HYDIN: variants seen among roughly 807,000 people sequenced by gnomAD.
HYDIN encodes the protein axonemal central pair apparatus protein HYDIN.
In HYDIN, 132 loss-of-function variants were observed where a neutral mutation model predicts 403.9. The observed-to-expected ratio is 0.33, with a 90% confidence interval of 0.28 to 0.38. The LOEUF is 0.38. Among genes scored for constraint, HYDIN ranks in the 10% least tolerant of loss-of-function variants. The probability of loss-of-function intolerance (pLI) is 1.00; values close to 1 mark genes in which losing one functional copy is unlikely to be tolerated. For synonymous variants in HYDIN, 1,202 were observed against 1,891.7 expected (o/e 0.64, Z 9.46); for missense variants, 2,827 against 5,009.5 (o/e 0.56, Z 13.15).
At chr16:70,853,167 C>A (rs545231605) in intron 73 of HYDIN, among the ~76,000 whole-genome samples, 1 of 152,008 alleles carries the variant, frequency 6.6e-6, no homozygotes, top group African/African-American at 2.4e-5. Context: ...GGCAACAGAG[C>A]GAGACTCTGT....
chr16:71,175,336 C>A (rs181471958), intron 5 of HYDIN, among the ~76,000 whole-genome samples: 1 of 152,124 alleles, frequency 6.6e-6, no homozygotes, highest in Admixed American at 6.5e-5. Context: ...AATAACACTA[C>A]CACTACCATC....
rs976242608 is a variant in HYDIN at position 70,806,941 on chromosome 16, G to T, written c.*639C>A. On this transcript the variant is annotated 3_prime_UTR_variant, in exon 86 of 86. Transcript: ENST00000393567. The stretch of plus-strand genomic sequence containing the variant: ...CAAGGCGGGGTGTGTATGTGTGGTG[G>T]GGGGAGCTGGGATCTCTATTAGCCT... Among the ~76,000 whole-genome samples the T allele has an allele frequency of 1.3e-5, 2 of 152,046 alleles. No homozygotes were observed. Among genetic ancestry groups the T allele is most frequent in the South Asian group, 4.1e-4 (2 of 4,828 alleles).
chr16:70,834,434 ACTTC>A (rs2037229197), intron 78 of HYDIN, among the ~76,000 whole-genome samples: 1 of 152,094 alleles, frequency 6.6e-6, no homozygotes, highest in South Asian at 2.1e-4. Flanking sequence ...TATTTTGTGT[ACTTC>A]CTTCTTTCTT....
intron 81 of HYDIN, among the ~76,000 whole-genome samples, chr16:70,828,656 A>C (rs1170507372): frequency 2.0e-5 from 3 of 152,108 alleles, no homozygotes; most frequent in Admixed American, 6.5e-5. Context: ...ATCCCTCCAA[A>C]GAAAAAAGTT....
chr16:70,936,675 AG>A (rs2077502219), intron 44 of HYDIN, among the ~76,000 whole-genome samples: 1 of 151,504 alleles, frequency 6.6e-6, no homozygotes, highest in South Asian at 2.1e-4. Flanking sequence ...CTAGGATTAC[AG>A]GTGTGCACCA....
intron 1 of HYDIN, among the ~76,000 whole-genome samples, chr16:71,192,267 C>T (rs1324489901): frequency 1.3e-5 from 2 of 152,090 alleles, no homozygotes; most frequent in Non-Finnish European, 2.9e-5. Flanking sequence ...GCCCCTCCTT[C>T]GTTAATGTCA....
intron 22 of HYDIN, 104 bp downstream of exon 22, chr16:71,020,070 T>A (rs2080424480): frequency 1.1e-6 from 1 of 945,502 alleles, no homozygotes; most frequent in Non-Finnish European, 1.5e-6. Flanking sequence ...ATCCTTTACA[T>A]CTTTCTGAGC....
intron 23 of HYDIN, among the ~76,000 whole-genome samples, chr16:71,011,911 C>T (rs562167288): frequency 2.6e-5 from 4 of 152,112 alleles, no homozygotes; most frequent in South Asian, 2.1e-4. Flanking sequence ...TGTTCCTTTG[C>T]TGCAGGACTT....
At position 70,806,404 on chromosome 16, in the gene HYDIN, CAGA is replaced by C. The variant is rs1376076795; in HGVS notation, c.*1173_*1175del. ...ACTGGGCTAGGGTTGTGGGGAGGTA[CAGA>C]AGAAGGAGAAGAGTCTCCCTCCATG... On this transcript the variant is annotated 3_prime_UTR_variant, in exon 86 of 86. Transcript: ENST00000393567. 6.6e-6 allele frequency among the ~76,000 whole-genome samples: 1 copy of C among 152,022 alleles called. No individual in the cohort carries two copies. The highest frequency in any genetic ancestry group is 6.6e-5 in the Admixed American group (1 of 15,254).
chr16:70,897,790 C>T (rs998987669), intron 53 of HYDIN, among the ~76,000 whole-genome samples: 5 of 152,220 alleles, frequency 3.3e-5, no homozygotes, highest in African/African-American at 9.6e-5. Flanking sequence ...CGGGGCTCTA[C>T]GGAGTTCCAC....
intron 84 of HYDIN, among the ~76,000 whole-genome samples, chr16:70,813,266 T>A (rs2035622817): frequency 6.7e-6 from 1 of 150,056 alleles, no homozygotes; most frequent in Non-Finnish European, 1.5e-5. Flanking sequence ...CTTCTATTCT[T>A]GTGCACTCTT....
chr16:70,812,366 G>C (rs2035561791), intron 84 of HYDIN, among the ~76,000 whole-genome samples: 1 of 151,988 alleles, frequency 6.6e-6, no homozygotes, highest in East Asian at 1.9e-4. Flanking sequence ...GCGCATATCT[G>C]TAATCCCACC....
chr16:71,101,975 A>G (rs1597783226), intron 10 of HYDIN, among the ~76,000 whole-genome samples: 1 of 152,276 alleles, frequency 6.6e-6, no homozygotes, highest in African/African-American at 2.4e-5. Flanking sequence ...GAATTTTTAT[A>G]TATTCAAATA....
At chr16:71,171,006 G>A (rs1208676523) in intron 5 of HYDIN, among the ~76,000 whole-genome samples, 1 of 152,106 alleles carries the variant, frequency 6.6e-6, no homozygotes, top group Non-Finnish European at 1.5e-5. Context: ...AAAAATATTT[G>A]AAGTACTTTA....
At chr16:70,979,879 C>T (rs1045813660) in intron 29 of HYDIN, among the ~76,000 whole-genome samples, 17 of 152,062 alleles carry the variant, frequency 1.1e-4, no homozygotes, top group African/African-American at 3.9e-4. Flanking sequence ...AGCTGAGACC[C>T]CGTCACTGAA....
chr16:71,106,662 T>C (rs955725874), intron 10 of HYDIN, among the ~76,000 whole-genome samples: 1 of 152,144 alleles, frequency 6.6e-6, no homozygotes, highest in African/African-American at 2.4e-5. Context: ...TGTTTTTTCC[T>C]GTCTCTGAAC....
In HYDIN at chr16:71,109,521, A is replaced by C. The variant is rs573429473; in HGVS notation, c.1327+6175T>G. On this transcript the variant is annotated intron_variant, in intron 10 of 85. Coordinates refer to ENST00000393567, the MANE Select transcript of HYDIN (RefSeq NM_001270974.2). ...AGTATTTCTTAGTGACCTAAGACCA[A>C]GAGGTTTTACCAACTCATTGAAGAT... 9.9e-5 allele frequency among the ~76,000 whole-genome samples: 13 copies of C among 130,808 alleles called. 1 individual carries two copies. The highest frequency in any genetic ancestry group is 9.0e-4 in the Admixed American group (13 of 14,438). The allele number at this position is 130,808 out of a possible 152,430, so 85.8% of individuals were successfully genotyped here. A position where few individuals can be genotyped will look rare whatever the true frequency, so the allele number is the denominator to read the frequency against.
chr16:70,812,525 G>A (rs1461376007), intron 84 of HYDIN, among the ~76,000 whole-genome samples: 2 of 152,026 alleles, frequency 1.3e-5, no homozygotes, highest in East Asian at 3.9e-4. Context: ...TGTAAAAGAT[G>A]ATGGGGTACA....
chr16:70,925,477 T>G (rs1220129517), intron 45 of HYDIN, among the ~76,000 whole-genome samples: 2 of 152,242 alleles, frequency 1.3e-5, no homozygotes, highest in Non-Finnish European at 2.9e-5. Flanking sequence ...GATTAAAGAC[T>G]TAAACGTTAG....
Sources: allele counts gnomAD v4.1 joint callset (sites outside exome capture counted in the v4.1 genomes callset), GRCh38; gene constraint gnomAD v4.1.1; transcripts MANE v1.5; gene names NCBI Gene and HGNC (gene_info 2026-07-23, HGNC 2026-07-21).